The following NFKBIL1 variants were observed in gnomAD, a reference collection of about 807,000 sequenced individuals.
The protein encoded by NFKBIL1 is NF-kappa-B inhibitor-like protein 1.
A neutral mutation model predicts 45.4 loss-of-function variants in NFKBIL1; 30 were observed. The observed-to-expected ratio is 0.66, with a 90% CI of 0.49 to 0.90. The LOEUF (loss-of-function observed/expected upper bound fraction) is 0.90. Among genes scored for constraint, NFKBIL1 ranks in the 40% least tolerant of loss-of-function variants. The pLI is 0.00. For synonymous variants in NFKBIL1, 179 were observed against 197.3 expected (o/e 0.91, Z 0.78); for missense variants, 434 against 513.4 (o/e 0.85, Z 1.49).
chr6:31,556,436 A>G (rs1769744310), intron 2 of NFKBIL1, among the ~76,000 whole-genome samples: 1 of 152,208 alleles, frequency 6.6e-6, no homozygotes, highest in Admixed American at 6.5e-5. Flanking sequence ...AAGTAGGTCC[A>G]CAGGAAGGAA....
intron 1 of NFKBIL1, 134 bp from the exon 2 acceptor site, chr6:31,548,029 T>G: frequency 8.1e-7 from 1 of 1,236,006 alleles, no homozygotes; most frequent in Non-Finnish European, 1.1e-6. Context: ...CAGGGTTAGG[T>G]TAGGCCTCAT....
At chr6:31,553,581 A>C (rs1172400927) in intron 2 of NFKBIL1, among the ~76,000 whole-genome samples, 1 of 152,150 alleles carries the variant, frequency 6.6e-6, no homozygotes, top group Non-Finnish European at 1.5e-5. Context: ...TATACTACAA[A>C]CATGACAGTA....
chr6:31,553,516 C>T (rs940046377), intron 2 of NFKBIL1, among the ~76,000 whole-genome samples: 2 of 152,054 alleles, frequency 1.3e-5, no homozygotes, highest in African/African-American at 4.8e-5. Context: ...ACTTGGAAGG[C>T]GGTATCACGG....
At chr6:31,549,089 T>C (rs562344806) in intron 2 of NFKBIL1, among the ~76,000 whole-genome samples, 1 of 152,310 alleles carries the variant, frequency 6.6e-6, no homozygotes, top group Non-Finnish European at 1.5e-5. Flanking sequence ...TCCTGTGTTA[T>C]ACATTATAGC....
rs200159216 is a variant in NFKBIL1 at position 31,548,166 on chromosome 6, A to G, written c.61A>G (p.Lys21Glu). The G allele has an allele frequency of 6.2e-7, 1 of 1,613,134 alleles. No individual in the cohort carries two copies. Residue 21 changes from lysine to glutamate, a missense_variant, in exon 2 of 4, where the codon AAG (lysine) becomes GAG (glutamate). Around this residue, in one of 4 missense-constraint regions of NFKBIL1, gnomAD observed 231 missense variants for 264.1 expected, o/e 0.87. Transcript: ENST00000376148. ...EEASTSVCRP[K>E]SSMASTSRRQ... is the part of the protein sequence containing the mutation. The stretch of plus-strand genomic sequence containing the variant: ...GCTGCCTTTTTTCCTTCCCCAGCCC[A>G]AGAGTTCCATGGCCTCCACTTCCCG...
At chr6:31,549,895 C>G (rs1467555318) in intron 2 of NFKBIL1, among the ~76,000 whole-genome samples, 3 of 152,030 alleles carry the variant, frequency 2.0e-5, no homozygotes, top group Admixed American at 6.6e-5. Context: ...AATGGGGAAC[C>G]TGGTGATATT....
Position 31,558,139 on chromosome 6 carries a change from G to C in NFKBIL1, c.674G>C (p.Arg225Pro), listed in dbSNP as rs372327185. ...QQQREAEGSR[R>P]PPRAEGSSQS... ...CAGCGAGAAGCAGAGGGATCCCGTC[G>C]ACCCCCACGTGCTGAGGGCTCCAGC... Residue 225 changes from arginine (R) to proline (P), a missense_variant, in exon 4 of 4, where the codon CGA becomes CCA. Arg to Pro is a moderately radical substitution (Grantham distance 103, BLOSUM62 -2). Transcript: ENST00000376148. This position sits in a 1 kb window ranked among gnomAD's most constrained non-coding sequence, Gnocchi z 7.2. 2 of 1,611,800 alleles carry C rather than the reference G, an allele frequency of 1.2e-6. No individual in the cohort carries two copies. The highest frequency in any genetic ancestry group is 1.7e-6 in the Non-Finnish European group (2 of 1,179,586).
At chr6:31,551,064 T>C (rs1167167923) in intron 2 of NFKBIL1, among the ~76,000 whole-genome samples, 5 of 152,144 alleles carry the variant, frequency 3.3e-5, no homozygotes, top group Non-Finnish European at 5.9e-5. Context: ...TCTCATTCTG[T>C]CTCCCAGCCT....
chr6:31,551,491 G>A (rs1024879608), intron 2 of NFKBIL1, among the ~76,000 whole-genome samples: 2 of 152,192 alleles, frequency 1.3e-5, no homozygotes, highest in East Asian at 3.8e-4. Flanking sequence ...CCAGACCCTG[G>A]TGTCCTCTCT....
At chr6:31,549,801 A>G (rs1417959450) in intron 2 of NFKBIL1, among the ~76,000 whole-genome samples, 1 of 152,112 alleles carries the variant, frequency 6.6e-6, no homozygotes, top group Non-Finnish European at 1.5e-5. Flanking sequence ...GCTACCTAAT[A>G]TAGAGTGAGT....
intron 2 of NFKBIL1, among the ~76,000 whole-genome samples, chr6:31,548,900 A>T (rs1769274907): frequency 6.6e-6 from 1 of 152,212 alleles, no homozygotes; most frequent in Non-Finnish European, 1.5e-5. Context: ...TTATAAAGTA[A>T]CACATTTAAT....
At chr6:31,552,485 C>T (rs2150363475) in intron 2 of NFKBIL1, among the ~76,000 whole-genome samples, 1 of 151,722 alleles carries the variant, frequency 6.6e-6, no homozygotes, top group South Asian at 2.1e-4. Flanking sequence ...CACGGGGTTT[C>T]ACCATGTTAG....
intron 2 of NFKBIL1, among the ~76,000 whole-genome samples, chr6:31,555,235 C>CTTTTTTTTTTT (rs9279346): frequency 4.8e-4 from 60 of 125,178 alleles, no homozygotes; most frequent in Non-Finnish European, 5.7e-4. Context: ...TATTTTTTTT[C>CTTTTTTTTTTT]TTTTTTTTTT....
In NFKBIL1 at chr6:31,557,085, T is replaced by G. The variant is rs1769779640; in HGVS notation, c.335-543T>G. Among the ~76,000 whole-genome samples, 1 of 151,042 alleles carries G rather than the reference T, an allele frequency of 6.6e-6. No individual in the cohort carries two copies. The highest frequency in any genetic ancestry group is 2.1e-4 in the South Asian group (1 of 4,800). On this transcript the variant is annotated intron_variant, in intron 2 of 3. Coordinates refer to ENST00000376148, the MANE Select transcript of NFKBIL1 (RefSeq NM_005007.4). The surrounding 1 kb of genome is among the most constrained non-coding windows in gnomAD (Gnocchi z 5.4). Reference sequence around the variant, plus strand: ...TAGAACTTCTAGGACGCTGAAATAGTTTGTGGAGACACAAGTAAGAATTTT... The same window carrying G: ...TAGAACTTCTAGGACGCTGAAATAGGTTGTGGAGACACAAGTAAGAATTTT...
chr6:31,552,059 A>G (rs1358507649), intron 2 of NFKBIL1, among the ~76,000 whole-genome samples: 2 of 151,568 alleles, frequency 1.3e-5, no homozygotes, highest in Non-Finnish European at 2.9e-5. Context: ...GGCCTCCCAA[A>G]GTGCTGGGAT....
In NFKBIL1 at chr6:31,558,319, A is replaced by C. The variant is rs1361041490; in HGVS notation, c.854A>C (p.His285Pro). Residue 285 changes from histidine to proline, a missense_variant, in exon 4 of 4, where the codon CAC becomes CCC. By Grantham distance (77) the His-to-Pro change is moderately conservative. Transcript: ENST00000376148. The surrounding 1 kb of genome is among the most constrained non-coding windows in gnomAD (Gnocchi z 7.2). ...ACCAGGGCCGGGCCCAGGGAAGAGC[A>C]CCCCAGAGGAGCGGGGAGGGGCAGC... ...KPTRAGPREE[H>P]PRGAGRGSLW... 6.4e-7 allele frequency: 1 copy of C among 1,570,582 alleles called. No individual in the cohort carries two copies. Among genetic ancestry groups the C allele is most frequent in the Non-Finnish European group, 8.6e-7 (1 of 1,156,806 alleles).
At position 31,548,244 on chromosome 6, in the gene NFKBIL1, G is replaced by A. The variant is rs1226488057; in HGVS notation, c.139G>A (p.Val47Ile). Residue 47 changes from valine to isoleucine, a missense_variant, in exon 2 of 4, where the codon GTC (valine) becomes ATC (isoleucine). By Grantham distance (29) the Val-to-Ile change is conservative (BLOSUM62 3). This residue lies in a region of NFKBIL1 where 231 missense variants were observed against 264.1 expected (regional missense o/e 0.87). Transcript: ENST00000376148. ...FRRYLSAGRLVRAQALLQRHP... is the reference protein window; with the variant it reads ...FRRYLSAGRLIRAQALLQRHP... ...TCGTTACTTGTCTGCAGGACGGCTG[G>A]TCCGGGCCCAGGCCCTCCTCCAGCG... 1.2e-6 allele frequency: 2 copies of A among 1,612,982 alleles called. No homozygotes were observed. The highest frequency in any genetic ancestry group is 1.1e-5 in the South Asian group (1 of 91,092).
intron 2 of NFKBIL1, among the ~76,000 whole-genome samples, chr6:31,552,721 G>C (rs537578434): frequency 2.5e-4 from 33 of 129,742 alleles, no homozygotes; most frequent in African/African-American, 8.3e-4. Context: ...TTGGCGAAGT[G>C]GGGGATGGAG....
chr6:31,554,414 A>G (rs1769602143), intron 2 of NFKBIL1, among the ~76,000 whole-genome samples: 1 of 147,592 alleles, frequency 6.8e-6, no homozygotes, highest in South Asian at 2.3e-4. Context: ...CCTTGTCTCA[A>G]AAAGAAAAAA....
Sources: gnomAD v4.1 joint callset for allele counts (sites outside exome capture counted in the v4.1 genomes callset) on GRCh38, gnomAD v4.1.1 for gene constraint, gnomAD v4.1.1 regional missense constraint, Gnocchi (gnomAD v3.1) non-coding constraint, MANE v1.5 for transcripts, NCBI Gene and HGNC (gene_info 2026-07-23, HGNC 2026-07-21) for gene names.